Variants in LMTK2 observed in about 807,000 individuals in gnomAD.
The protein encoded by LMTK2 is serine/threonine-protein kinase LMTK2.
A neutral mutation model predicts 127.5 loss-of-function variants in LMTK2; 37 were observed. The observed-to-expected ratio is 0.29, with a 90% CI of 0.22 to 0.38. LMTK2 has a LOEUF of 0.38. LMTK2 is among the 10% of genes least tolerant of loss of function. The probability of loss-of-function intolerance (pLI) is 1.00; values close to 1 mark genes in which losing one functional copy is unlikely to be tolerated. For missense variants in LMTK2, 1,694 were observed against 1,920.3 expected (o/e 0.88, Z 2.20); for synonymous variants, 819 against 810.1 (o/e 1.01, Z -0.19).
intron 1 of LMTK2, among the ~76,000 whole-genome samples, chr7:98,121,327 T>C (rs1440009463): frequency 6.6e-6 from 1 of 152,182 alleles, no homozygotes. Flanking sequence ...GAAAATGCCA[T>C]ATTGAAAATT....
At chr7:98,196,541 G>A (rs969817828) in intron 11 of LMTK2, among the ~76,000 whole-genome samples, 2 of 152,196 alleles carry the variant, frequency 1.3e-5, no homozygotes, top group Admixed American at 6.5e-5. Flanking sequence ...GAGCAGTGCG[G>A]TTAGGAGCTA....
In LMTK2 at chr7:98,194,291, G is replaced by A; in HGVS notation, c.3826G>A (p.Asp1276Asn). Residue 1276 changes from aspartate (D) to asparagine (N), a missense_variant, in exon 11 of 14, where the codon GAC (aspartate) becomes AAC (asparagine). By Grantham distance (23) the Asp-to-Asn change is conservative (BLOSUM62 1). This residue lies in a region of LMTK2 where 554 missense variants were observed against 567.7 expected (regional missense o/e 0.98). Coordinates refer to ENST00000297293, the MANE Select transcript of LMTK2 (RefSeq NM_014916.4). The surrounding 1 kb of genome is among the most constrained non-coding windows in gnomAD (Gnocchi z 5.4). The part of the protein sequence containing the change: ...LGKLGVSGML[D>N]LSEDGMDADE... ...GAAACTCGGGGTGTCAGGGATGCTC[G>A]ACCTCTCAGAGGACGGGATGGATGC... 1.9e-6 allele frequency: 3 copies of A among 1,614,192 alleles called. No individual in the cohort carries two copies. Among genetic ancestry groups the A allele is most frequent in the South Asian group, 1.1e-5 (1 of 91,074 alleles).
chr7:98,108,255 C>T (rs916009081), intron 1 of LMTK2, among the ~76,000 whole-genome samples: 1 of 152,064 alleles, frequency 6.6e-6, no homozygotes, highest in African/African-American at 2.4e-5. Context: ...AGGCAGAGCC[C>T]CAAAGCCAGG....
intron 9 of LMTK2, among the ~76,000 whole-genome samples, chr7:98,190,336 CT>C (rs1797503145): frequency 6.6e-6 from 1 of 152,206 alleles, no homozygotes; most frequent in Admixed American, 6.5e-5. Flanking sequence ...AATCTCAGCA[CT>C]TTGGAAGGCC....
intron 1 of LMTK2, among the ~76,000 whole-genome samples, chr7:98,136,183 A>G (rs1244545200): frequency 1.3e-5 from 2 of 152,226 alleles, no homozygotes; most frequent in Admixed American, 1.3e-4. Context: ...TGGAGCCACA[A>G]AATAAGTGAT....
At chr7:98,139,012 G>A (rs1426594603) in intron 2 of LMTK2, among the ~76,000 whole-genome samples, 1 of 152,150 alleles carries the variant, frequency 6.6e-6, no homozygotes, top group African/African-American at 2.4e-5. Flanking sequence ...CTGATGGTCC[G>A]TGGAAGTCAT....
intron 6 of LMTK2, among the ~76,000 whole-genome samples, chr7:98,167,862 C>T (rs559120824): frequency 2.7e-4 from 41 of 151,912 alleles, no homozygotes; most frequent in Non-Finnish European, 1.2e-4. Flanking sequence ...GTGGGGGGGC[C>T]GAGGAAGGAG....
chr7:98,182,355 T>C (rs1232391495), intron 7 of LMTK2, among the ~76,000 whole-genome samples: 1 of 152,220 alleles, frequency 6.6e-6, no homozygotes, highest in Non-Finnish European at 1.5e-5. Context: ...AAAAGGGTTA[T>C]ATAAAGCATA....
rs554439478 is a variant in LMTK2 at position 98,152,342 on chromosome 7, A to G, written c.450+887A>G. ...GAGTAGGGATTACATCGTAAGCAGG[A>G]TGCTTACAACAGGAGGATGCACTTC... On this transcript the variant is annotated intron_variant, in intron 4 of 13. Coordinates refer to ENST00000297293, the MANE Select transcript of LMTK2 (RefSeq NM_014916.4). Among the ~76,000 whole-genome samples, 5 of 152,318 alleles carry G rather than the reference A, an allele frequency of 3.3e-5. No individual in the cohort carries two copies. The East Asian group carries it at 7.7e-4, about 24-fold the overall frequency.
intron 1 of LMTK2, among the ~76,000 whole-genome samples, chr7:98,111,184 C>CTTA (rs1796196980): frequency 6.6e-6 from 1 of 152,218 alleles, no homozygotes; most frequent in African/African-American, 2.4e-5. Flanking sequence ...TTATCAAATC[C>CTTA]TTACAGTTTT....
At chr7:98,117,535 AT>A (rs144662863) in intron 1 of LMTK2, among the ~76,000 whole-genome samples, 3,262 of 146,088 alleles carry the variant, frequency 0.022, 54 homozygotes, top group Middle Eastern at 0.042. Context: ...ACATATCCTC[AT>A]TTTTTTTTTA....
intron 1 of LMTK2, among the ~76,000 whole-genome samples, chr7:98,131,310 A>G (rs547747228): frequency 6.6e-6 from 1 of 152,336 alleles, no homozygotes; most frequent in Admixed American, 6.5e-5. Context: ...TTCAAATAAC[A>G]TCCATATGTT....
chr7:98,191,766 A>C lies in LMTK2; in HGVS notation c.1301A>C (p.Asn434Thr), dbSNP rs1797528453. The change falls in exon 11 of 14, where the codon AAC becomes ACC. Residue 434 changes from asparagine (N) to threonine (T), a missense_variant. This residue lies in a region of LMTK2 where 216 missense variants were observed against 266.8 expected (regional missense o/e 0.81). Coordinates refer to ENST00000297293, the MANE Select transcript of LMTK2 (RefSeq NM_014916.4). ...TGGAACGCTCTGAAGCCGAACACAA[A>C]CAGCAGAGACTCCTCCAACAATGCT... is the stretch of plus-strand genomic sequence containing the variant. ...QQWNALKPNT[N>T]SRDSSNNAAF... 1 of 1,613,962 alleles carries C rather than the reference A, an allele frequency of 6.2e-7. No homozygotes were observed. The highest frequency in any genetic ancestry group is 1.7e-5 in the Admixed American group (1 of 59,992).
Position 98,194,495 on chromosome 7 carries a change from C to G in LMTK2, c.4030C>G (p.Pro1344Ala). Residue 1344 changes from proline (P) to alanine (A), a missense_variant, in exon 11 of 14, where the codon CCA becomes GCA. By Grantham distance (27) the Pro-to-Ala change is conservative. Transcript: ENST00000297293. The surrounding 1 kb of genome is among the most constrained non-coding windows in gnomAD (Gnocchi z 5.4). ...GCCCACAGCGGCCAATGCCCCCGACCCACTGCCCGAGGACTGGAAGAAGGA... is the reference window on the plus strand; with the variant it reads ...GCCCACAGCGGCCAATGCCCCCGACGCACTGCCCGAGGACTGGAAGAAGGA... ...LKPTAANAPD[P>A]LPEDWKKEKK... The G allele has an allele frequency of 4.3e-6, 7 of 1,613,744 alleles. No homozygotes were observed. Among genetic ancestry groups the G allele is most frequent in the Non-Finnish European group, 5.9e-6 (7 of 1,180,038 alleles).
chr7:98,162,651 GTTTAA>G (rs1232657075), intron 6 of LMTK2, among the ~76,000 whole-genome samples: 7 of 152,158 alleles, frequency 4.6e-5, no homozygotes, highest in African/African-American at 1.7e-4. Flanking sequence ...CTAATAGCTT[GTTTAA>G]TTTAAGCGTC....
chr7:98,121,000 A>C (rs1353322100), intron 1 of LMTK2, among the ~76,000 whole-genome samples: 1 of 152,224 alleles, frequency 6.6e-6, no homozygotes, highest in Non-Finnish European at 1.5e-5. Flanking sequence ...CACCCGGTAG[A>C]CTTAGAAAAT....
At chr7:98,114,751 T>A (rs1176374254) in intron 1 of LMTK2, among the ~76,000 whole-genome samples, 1 of 152,196 alleles carries the variant, frequency 6.6e-6, no homozygotes, top group Non-Finnish European at 1.5e-5. Flanking sequence ...TGCCTATCGC[T>A]TGCAAAATAT....
chr7:98,128,241 A>G (rs1188278612), intron 1 of LMTK2, among the ~76,000 whole-genome samples: 1 of 152,220 alleles, frequency 6.6e-6, no homozygotes, highest in African/African-American at 2.4e-5. Context: ...ATGTACCTCA[A>G]ACTATAACTG....
At chr7:98,172,193 G>A (rs1797203282) in intron 7 of LMTK2, among the ~76,000 whole-genome samples, 1 of 152,242 alleles carries the variant, frequency 6.6e-6, no homozygotes, top group Admixed American at 6.5e-5. Flanking sequence ...GATCTGATGA[G>A]GCCCCCCGCT....
Sources: allele counts gnomAD v4.1 joint callset (sites outside exome capture counted in the v4.1 genomes callset), GRCh38; gene constraint gnomAD v4.1.1; regional missense constraint gnomAD v4.1.1; non-coding constraint Gnocchi (gnomAD v3.1); transcripts MANE v1.5; gene names NCBI Gene and HGNC (gene_info 2026-07-23, HGNC 2026-07-21).